Variants in TIGAR observed in about 807,000 individuals in gnomAD.
TIGAR encodes TP53 induced glycolysis regulatory phosphatase.
A neutral mutation model predicts 17.9 loss-of-function variants in TIGAR; 7 were observed. The ratio of observed to expected loss-of-function variants is 0.39; its 90% CI spans 0.22 to 0.73. TIGAR has a LOEUF of 0.73. Among genes scored for constraint, TIGAR ranks in the 30% least tolerant of loss-of-function variants. The pLI is 0.42. For synonymous variants in TIGAR, 94 were observed against 108.6 expected (o/e 0.87, Z 0.84); for missense variants, 258 against 327.4 (o/e 0.79, Z 1.64).
At chr12:4,345,418 C>T (rs113233482) in intron 3 of TIGAR, among the ~76,000 whole-genome samples, 2 of 152,032 alleles carry the variant, frequency 1.3e-5, no homozygotes, top group African/African-American at 2.4e-5. Flanking sequence ...GAGATATAGA[C>T]CAATGGAACA....
chr12:4,339,706 G>A (rs1345281791), intron 3 of TIGAR, among the ~76,000 whole-genome samples: 1 of 152,110 alleles, frequency 6.6e-6, no homozygotes. Flanking sequence ...ACCTGACTGA[G>A]GGGGATTAAT....
chr12:4,325,135 T>G (rs1458763417), intron 1 of TIGAR, among the ~76,000 whole-genome samples: 2 of 151,772 alleles, frequency 1.3e-5, no homozygotes, highest in African/African-American at 2.4e-5. Context: ...AGAGATGGGG[T>G]TTCTCCATTT....
At chr12:4,351,411 T>G in intron 5 of TIGAR, 34 bp downstream of exon 5, 1 of 1,567,312 alleles carries the variant, frequency 6.4e-7, no homozygotes, top group Non-Finnish European at 8.8e-7. Context: ...AATGGTTGAA[T>G]TAAGACTCAA....
intron 3 of TIGAR, among the ~76,000 whole-genome samples, chr12:4,342,718 A>C (rs4531551): frequency 0.29 from 44,574 of 151,838 alleles, 7,036 homozygotes; most frequent in East Asian, 0.57. Context: ...GCCTGCCCTA[A>C]AAGAGCTCCT....
intron 3 of TIGAR, among the ~76,000 whole-genome samples, chr12:4,348,135 CA>C (rs913008016): frequency 9.9e-5 from 14 of 140,746 alleles, no homozygotes; most frequent in Admixed American, 2.1e-4. Flanking sequence ...GACCCTGTCT[CA>C]AAAAAAAAAG....
chr12:4,343,282 A>G (rs1864744890), intron 3 of TIGAR, among the ~76,000 whole-genome samples: 1 of 152,156 alleles, frequency 6.6e-6, no homozygotes, highest in Non-Finnish European at 1.5e-5. Context: ...CACAATAATA[A>G]TGGGAGAATT....
intron 1 of TIGAR, among the ~76,000 whole-genome samples, chr12:4,322,162 A>C (rs1864488489): frequency 6.6e-6 from 1 of 152,060 alleles, no homozygotes; most frequent in Non-Finnish European, 1.5e-5. Flanking sequence ...ACGCCCGGCT[A>C]ATTTTTGTAT....
intron 1 of TIGAR, among the ~76,000 whole-genome samples, chr12:4,327,496 G>C (rs1201409956): frequency 6.6e-6 from 1 of 152,064 alleles, no homozygotes; most frequent in Non-Finnish European, 1.5e-5. Flanking sequence ...ATTAGGACAT[G>C]TCTGAGCAGT....
In TIGAR at chr12:4,359,868, A is replaced by T. The variant is rs1012231769; in HGVS notation, c.*7177A>T. Among the ~76,000 whole-genome samples the T allele has an allele frequency of 1.3e-5, 2 of 152,150 alleles. No homozygotes were observed. Among genetic ancestry groups the T allele is most frequent in the Non-Finnish European group, 2.9e-5 (2 of 68,014 alleles). ...CTTCACATCCTTGCCAACATTTGTTATTATCAGTTTCTAAAATTTTAGCCA... is the reference window on the plus strand; with the variant it reads ...CTTCACATCCTTGCCAACATTTGTTTTTATCAGTTTCTAAAATTTTAGCCA... On this transcript the variant is annotated 3_prime_UTR_variant, in exon 6 of 6. Coordinates refer to ENST00000179259, the MANE Select transcript of TIGAR (RefSeq NM_020375.3).
At chr12:4,325,154 C>T (rs1591658441) in intron 1 of TIGAR, among the ~76,000 whole-genome samples, 1 of 151,940 alleles carries the variant, frequency 6.6e-6, no homozygotes, top group South Asian at 2.1e-4. Context: ...TTTGGTCAGG[C>T]TGGTCTCGAA....
intron 1 of TIGAR, among the ~76,000 whole-genome samples, chr12:4,329,394 A>G (rs534010249): frequency 2.8e-4 from 35 of 123,960 alleles, no homozygotes; most frequent in African/African-American, 1.0e-3. Context: ...ACTGGAGTGC[A>G]GTGGTGTGAT....
chr12:4,323,371 A>G (rs759732307), intron 1 of TIGAR, among the ~76,000 whole-genome samples: 5 of 152,240 alleles, frequency 3.3e-5, no homozygotes, highest in African/African-American at 7.2e-5. Context: ...CTAATAGACA[A>G]TAGTCATATA....
At chr12:4,343,457 T>G (rs1864746823) in intron 3 of TIGAR, among the ~76,000 whole-genome samples, 1 of 152,202 alleles carries the variant, frequency 6.6e-6, no homozygotes, top group Admixed American at 6.5e-5. Context: ...ACTGCACTTA[T>G]TCCAAAATTG....
rs755760908 is a variant in TIGAR, at chr12:4,359,688, G to A, written c.*6997G>A. Among the ~76,000 whole-genome samples the A allele has an allele frequency of 2.6e-5, 4 of 152,064 alleles. No homozygotes were observed. Among genetic ancestry groups the A allele is most frequent in the East Asian group, 1.9e-4 (1 of 5,196 alleles). The stretch of plus-strand genomic sequence containing the variant: ...TATTTTTACAAGTCTTTTTGCGGAC[G>A]TATGTTTTCATTTCTCTTGGGTAAA... On this transcript the variant is annotated 3_prime_UTR_variant, in exon 6 of 6. Transcript: ENST00000179259.
In TIGAR at chr12:4,359,304, T is replaced by G. The variant is rs1217318525; in HGVS notation, c.*6613T>G. 6.6e-6 allele frequency among the ~76,000 whole-genome samples: 1 copy of G among 152,186 alleles called. No individual in the cohort carries two copies. The highest frequency in any genetic ancestry group is 1.5e-5 in the Non-Finnish European group (1 of 68,030). The stretch of plus-strand genomic sequence containing the variant: ...GTTACACAGTCCCAACTTTGTCCTG[T>G]GGGAACCCTTTCAGGCTGGCTCTTA... On this transcript the variant is annotated 3_prime_UTR_variant, in exon 6 of 6. Coordinates refer to ENST00000179259, the MANE Select transcript of TIGAR (RefSeq NM_020375.3).
At chr12:4,348,660 A>AG (rs1400236304) in intron 3 of TIGAR, among the ~76,000 whole-genome samples, 1 of 152,240 alleles carries the variant, frequency 6.6e-6, no homozygotes, top group Non-Finnish European at 1.5e-5. Context: ...TAGTGAGCAA[A>AG]GAAGTTGGTA....
chr12:4,327,793 G>A (rs1295143177), intron 1 of TIGAR, among the ~76,000 whole-genome samples: 1 of 151,966 alleles, frequency 6.6e-6, no homozygotes, highest in Non-Finnish European at 1.5e-5. Context: ...TCAGCCTCCC[G>A]AGTCGCTGGG....
chr12:4,337,135 C>A lies in TIGAR; in HGVS notation c.167C>A (p.Ser56Tyr). 1 of 1,612,834 alleles carries A rather than the reference C, an allele frequency of 6.2e-7. No individual in the cohort carries two copies. The highest frequency in any genetic ancestry group is 1.1e-5 in the South Asian group (1 of 91,000). Reference sequence around the variant, plus strand: ...AATGTGAAGTTTACTCATGCTTTCTCCAGTGATCTCATGAGGACAAAGCAG... The same window carrying A: ...AATGTGAAGTTTACTCATGCTTTCTACAGTGATCTCATGAGGACAAAGCAG... ...LNNVKFTHAFSSDLMRTKQTM... is the reference protein window; with the variant it reads ...LNNVKFTHAFYSDLMRTKQTM... The change falls in exon 3 of 6, where the codon TCC (serine) becomes TAC (tyrosine). Residue 56 changes from serine (S) to tyrosine (Y), a missense_variant. Ser to Tyr is a moderately radical substitution (Grantham distance 144). Coordinates refer to ENST00000179259, the MANE Select transcript of TIGAR (RefSeq NM_020375.3).
At position 4,357,537 on chromosome 12, in the gene TIGAR, G is replaced by A. The variant is rs543768540; in HGVS notation, c.*4846G>A. Among the ~76,000 whole-genome samples, 36 of 152,162 alleles carry A rather than the reference G, an allele frequency of 2.4e-4. No homozygotes were observed. Among genetic ancestry groups the A allele is most frequent in the Non-Finnish European group, 1.3e-4 (9 of 68,026 alleles). ...TCTTTCTTTGGGCCCCATCAATTTG[G>A]AAGTACAGCTTTCAGATTGAAGTAT... On this transcript the variant is annotated 3_prime_UTR_variant, in exon 6 of 6. Coordinates refer to ENST00000179259, the MANE Select transcript of TIGAR (RefSeq NM_020375.3).
Sources: allele counts gnomAD v4.1 joint callset (sites outside exome capture counted in the v4.1 genomes callset), GRCh38; gene constraint gnomAD v4.1.1; transcripts MANE v1.5; gene names NCBI Gene and HGNC (gene_info 2026-07-23, HGNC 2026-07-21).